GALNT1: variants seen among roughly 807,000 people sequenced by gnomAD.
The protein encoded by GALNT1 is polypeptide N-acetylgalactosaminyltransferase 1, also known as GalNAc transferase 1.
GALNT1 carries 17 observed loss-of-function variants against 65.7 expected under a neutral mutation model. That is an observed-to-expected ratio of 0.26 (90% CI 0.18 to 0.39). The LOEUF is 0.39. Ranked by LOEUF, GALNT1 falls within the 10% of genes least tolerant of loss-of-function variation. The pLI is 1.00. For synonymous variants in GALNT1, 210 were observed against 219.7 expected, an observed-to-expected ratio of 0.96 and a Z score of 0.39; for missense variants, 460 against 672.8, an observed-to-expected ratio of 0.68 and a Z score of 3.50.
At position 35,692,250 on chromosome 18, in the gene GALNT1, C is replaced by A; in HGVS notation, c.1229C>A (p.Pro410His). The stretch of plus-strand genomic sequence containing the variant: ...CTAAGACACAAACTACAATGCAAAC[C>A]TTTTTCCTGGTACCTAGAGAATATA... Reference protein sequence around the residue: ...VGLRHKLQCKPFSWYLENIYP... With the variant: ...VGLRHKLQCKHFSWYLENIYP... Residue 410 changes from proline (P) to histidine (H), a missense_variant, in exon 9 of 12, where the codon CCT (proline) becomes CAT (histidine). Coordinates refer to ENST00000269195, the MANE Select transcript of GALNT1 (RefSeq NM_020474.4). 6.2e-7 allele frequency: 1 copy of A among 1,607,446 alleles called. No individual in the cohort carries two copies. The highest frequency in any genetic ancestry group is 8.5e-7 in the Non-Finnish European group (1 of 1,174,622).
At chr18:35,583,783 G>A (rs1383530104) in intron 1 of GALNT1, among the ~76,000 whole-genome samples, 1 of 152,146 alleles carries the variant, frequency 6.6e-6, no homozygotes, top group African/African-American at 2.4e-5. Context: ...AGGTGAGAGA[G>A]CATGGGACCA....
intron 1 of GALNT1, among the ~76,000 whole-genome samples, chr18:35,621,033 G>A (rs983589459): frequency 2.0e-5 from 3 of 151,948 alleles, no homozygotes; most frequent in African/African-American, 7.3e-5. Flanking sequence ...AGTTTGATGA[G>A]GTCAGATTCA....
At chr18:35,581,729 G>T (rs1468569300), upstream of GALNT1, 2 of 143,330 alleles carry the variant, frequency 1.4e-5, no homozygotes, top group African/African-American at 2.5e-5. Context: ...CCCGCCGGGG[G>T]AGCCGCCGGC....
intron 1 of GALNT1, among the ~76,000 whole-genome samples, chr18:35,613,714 TC>T (rs1285725519): frequency 6.6e-6 from 1 of 152,148 alleles, no homozygotes; most frequent in Non-Finnish European, 1.5e-5. Context: ...AAAAAACCTA[TC>T]CCTCAGTGGT....
rs1048989206 is a variant in GALNT1 at position 35,710,391 on chromosome 18, C to T, written c.*621C>T. ...TTTATACCTCAGTGGGGAAAAATAA[C>T]TGATTCCAATGACATTCATTTTGTT... is the stretch of plus-strand genomic sequence containing the variant. On this transcript the variant is annotated 3_prime_UTR_variant, in exon 12 of 12. Coordinates refer to ENST00000269195, the MANE Select transcript of GALNT1 (RefSeq NM_020474.4). The T allele has an allele frequency of 6.6e-6, 1 of 152,434 alleles. No individual in the cohort carries two copies. The highest frequency in any genetic ancestry group is 2.4e-5 in the African/African-American group (1 of 41,378). The allele number at this position is 152,434 out of a possible 1,614,324, so 9.4% of individuals were successfully genotyped here.
intron 11 of GALNT1, among the ~76,000 whole-genome samples, chr18:35,705,801 C>T (rs1283471855): frequency 6.6e-6 from 1 of 152,148 alleles, no homozygotes; most frequent in Non-Finnish European, 1.5e-5. Flanking sequence ...TAAGTAAATT[C>T]AGTGGCATAG....
chr18:35,617,510 C>T (rs549730042), intron 1 of GALNT1, among the ~76,000 whole-genome samples: 104 of 152,274 alleles, frequency 6.8e-4, no homozygotes, highest in African/African-American at 1.5e-3. Flanking sequence ...AACAGTGAAA[C>T]GAGCCCTCTT....
At chr18:35,667,330 G>T (rs1053961733) in intron 3 of GALNT1, among the ~76,000 whole-genome samples, 1 of 152,140 alleles carries the variant, frequency 6.6e-6, no homozygotes, top group Non-Finnish European at 1.5e-5. Flanking sequence ...GTCGACACCC[G>T]TGTGGTTTAT....
intron 1 of GALNT1, among the ~76,000 whole-genome samples, chr18:35,624,336 A>G (rs1266220940): frequency 6.6e-6 from 1 of 152,194 alleles, no homozygotes; most frequent in Non-Finnish European, 1.5e-5. Context: ...GTAACTCTGC[A>G]CAGTGTAGGC....
intron 1 of GALNT1, among the ~76,000 whole-genome samples, chr18:35,607,547 T>C (rs1183437536): frequency 6.6e-6 from 1 of 152,174 alleles, no homozygotes; most frequent in African/African-American, 2.4e-5. Context: ...GAGGTACTTC[T>C]GTCTCATGTC....
chr18:35,694,835 C>G (rs2048028565), intron 9 of GALNT1, among the ~76,000 whole-genome samples: 1 of 152,168 alleles, frequency 6.6e-6, no homozygotes, highest in South Asian at 2.1e-4. Context: ...ATTTTTCAGT[C>G]TTAAAAAGGA....
At chr18:35,617,304 A>AT (rs1371052145) in intron 1 of GALNT1, among the ~76,000 whole-genome samples, 1 of 152,200 alleles carries the variant, frequency 6.6e-6, no homozygotes, top group African/African-American at 2.4e-5. Flanking sequence ...AAGTGAACAA[A>AT]TGTCTACTAT....
At chr18:35,626,083 T>C (rs1200328781) in intron 1 of GALNT1, among the ~76,000 whole-genome samples, 1 of 152,180 alleles carries the variant, frequency 6.6e-6, no homozygotes, top group Non-Finnish European at 1.5e-5. Flanking sequence ...TTGTTTTGCC[T>C]TTTCCTAACT....
At chr18:35,644,819 C>G (rs556094820) in intron 1 of GALNT1, among the ~76,000 whole-genome samples, 102 of 151,994 alleles carry the variant, frequency 6.7e-4, no homozygotes, top group Non-Finnish European at 1.2e-3. Flanking sequence ...GATGAAACCT[C>G]TTCTCTACTA....
In GALNT1 at chr18:35,669,007, C is replaced by T. The variant is rs948516262; in HGVS notation, c.314+5205C>T. Among the ~76,000 whole-genome samples, 7 of 152,228 alleles carry T rather than the reference C, an allele frequency of 4.6e-5. No individual in the cohort carries two copies. In the East Asian group the frequency reaches 5.8e-4, roughly 13 times the overall value. On this transcript the variant is annotated intron_variant, in intron 3 of 11. Coordinates refer to ENST00000269195, the MANE Select transcript of GALNT1 (RefSeq NM_020474.4). The stretch of plus-strand genomic sequence containing the variant: ...CTGTAATCCCAGCACTATGGGAGGC[C>T]GAGGTGGGCGGATCATGAGGTCAGG...
intron 3 of GALNT1, among the ~76,000 whole-genome samples, chr18:35,667,947 T>C (rs1427771511): frequency 6.6e-6 from 1 of 152,236 alleles, no homozygotes; most frequent in South Asian, 2.1e-4. Context: ...CTTTCCCTTT[T>C]TGTAGCTCCT....
intron 1 of GALNT1, among the ~76,000 whole-genome samples, chr18:35,609,801 T>G (rs1005798055): frequency 6.6e-6 from 1 of 152,184 alleles, no homozygotes; most frequent in Non-Finnish European, 1.5e-5. Context: ...CCTTAGATTC[T>G]TTACATTGAA....
intron 1 of GALNT1, among the ~76,000 whole-genome samples, chr18:35,595,341 T>C (rs1293517921): frequency 6.6e-6 from 1 of 152,168 alleles, no homozygotes; most frequent in Non-Finnish European, 1.5e-5. Context: ...TCTGATTTAC[T>C]AGCAACTCCC....
intron 9 of GALNT1, among the ~76,000 whole-genome samples, chr18:35,693,607 A>C (rs1442919151): frequency 6.6e-6 from 1 of 152,196 alleles, no homozygotes; most frequent in Non-Finnish European, 1.5e-5. Flanking sequence ...ATCAAGCTTG[A>C]GACACTGACT....
Sources: allele counts gnomAD v4.1 joint callset (sites outside exome capture counted in the v4.1 genomes callset), GRCh38; gene constraint gnomAD v4.1.1; transcripts MANE v1.5; gene names NCBI Gene and HGNC (gene_info 2026-07-23, HGNC 2026-07-21).